Variants in PTPRS observed in about 807,000 individuals in gnomAD.
The protein encoded by PTPRS is receptor-type tyrosine-protein phosphatase S.
PTPRS carries 63 observed loss-of-function variants against 215.3 expected under a neutral mutation model. The ratio of observed to expected loss-of-function variants is 0.29; its 90% CI spans 0.24 to 0.36. PTPRS has a LOEUF of 0.36. PTPRS is among the 10% of genes least tolerant of loss of function. The pLI is 1.00. For missense variants in PTPRS, 2,258 were observed against 2,825.8 expected, an observed-to-expected ratio of 0.80 and a Z score of 4.56; for synonymous variants, 1,404 against 1,191.4, an observed-to-expected ratio of 1.18 and a Z score of -3.68.
rs944511575 is a variant in PTPRS, at chr19:5,229,545, G to A, written c.2295C>T (p.Gly765=). 1.0e-4 allele frequency: 151 copies of A among 1,463,710 alleles called. No individual in the cohort carries two copies. Among genetic ancestry groups the A allele is most frequent in the Non-Finnish European group, 1.3e-4 (145 of 1,110,208 alleles). The allele number at this position is 1,463,710 out of a possible 1,614,324, so 90.7% of individuals were successfully genotyped here. A position where few individuals can be genotyped will look rare whatever the true frequency, so the allele number is the denominator to read the frequency against. ...GYQVHYVRME[G]AEARGPPRIK... is the part of the protein sequence containing the mutation. Reference sequence around the variant, plus strand: ...TGCGCGGCGGCCCGCGGGCCTCGGCGCCCTCCATGCGCACGTAGTGGACCT... The same window carrying A: ...TGCGCGGCGGCCCGCGGGCCTCGGCACCCTCCATGCGCACGTAGTGGACCT... The change falls in exon 15 of 38, where the codon GGC becomes GGT. Residue 765 remains glycine, a synonymous_variant. Transcript: ENST00000262963.
rs945169302 is a variant in PTPRS, at chr19:5,244,059, G to C, written c.1412C>G (p.Pro471Arg). The C allele has an allele frequency of 1.9e-6, 3 of 1,610,552 alleles. No individual in the cohort carries two copies. Among genetic ancestry groups the C allele is most frequent in the African/African-American group, 2.7e-5 (2 of 74,940 alleles). Residue 471 changes from proline to arginine, a missense_variant, in exon 11 of 38, where the codon CCC (proline) becomes CGC (arginine). Around this residue, in one of 6 missense-constraint regions of PTPRS, gnomAD observed 508 missense variants for 799.4 expected, o/e 0.64. Coordinates refer to ENST00000262963, the MANE Select transcript of PTPRS (RefSeq NM_002850.4). This position sits in a 1 kb window ranked among gnomAD's most constrained non-coding sequence, Gnocchi z 7.2. Reference sequence around the variant, plus strand: ...GTTGTGCTTCTGCCAGTTGCCCACGGGGTGCTCCGGTTCCATGGTGTAGTA... The same window carrying C: ...GTTGTGCTTCTGCCAGTTGCCCACGCGGTGCTCCGGTTCCATGGTGTAGTA... ...RVYYTMEPEH[P>R]VGNWQKHNVD...
rs902000119 is a variant in PTPRS, at chr19:5,293,993, G to A, written c.-94-7759C>T. ...CAATCCGAGCCAGCGTTGCGCCCGG[G>A]GTGCGGGTTTGAAAACTCCACCGGA... On this transcript the variant is annotated intron_variant, in intron 1 of 37. Coordinates refer to ENST00000262963, the MANE Select transcript of PTPRS (RefSeq NM_002850.4). This position sits in a 1 kb window ranked among gnomAD's most constrained non-coding sequence, Gnocchi z 8.4. Among the ~76,000 whole-genome samples the A allele has an allele frequency of 6.6e-6, 1 of 152,322 alleles. No individual in the cohort carries two copies. Among genetic ancestry groups the A allele is most frequent in the South Asian group, 2.1e-4 (1 of 4,826 alleles).
chr19:5,212,645 A>T (rs1343877857), intron 30 of PTPRS, among the ~76,000 whole-genome samples, 154 bp from the exon 31 acceptor site: 1 of 150,860 alleles, frequency 6.6e-6, no homozygotes, highest in African/African-American at 2.5e-5. Flanking sequence ...GGAGTTCGAG[A>T]CCAGCCTGAC....
intron 9 of PTPRS, among the ~76,000 whole-genome samples, chr19:5,251,741 C>T (rs1426352519): frequency 1.3e-5 from 2 of 152,118 alleles, no homozygotes; most frequent in Admixed American, 6.5e-5. Context: ...CGCCTGCCTT[C>T]CCGCCCCTGG....
intron 9 of PTPRS, among the ~76,000 whole-genome samples, chr19:5,253,258 A>G (rs936111920): frequency 9.2e-5 from 14 of 152,176 alleles, no homozygotes; most frequent in African/African-American, 3.4e-4. Flanking sequence ...AAATTTCAGG[A>G]GGAGAAGGGC....
chr19:5,298,040 C>T lies in PTPRS; in HGVS notation c.-94-11806G>A, dbSNP rs544620875. ...CAAACTCCTGACCTCATGATCCGCC[C>T]GCCTCGGCCTCCCAAAGTGTTGGGA... On this transcript the variant is annotated intron_variant, in intron 1 of 37. Transcript: ENST00000262963. Among the ~76,000 whole-genome samples, 15 of 152,134 alleles carry T rather than the reference C, an allele frequency of 9.9e-5. No individual in the cohort carries two copies. In the East Asian group the frequency reaches 1.7e-3, roughly 18 times the overall value.
At chr19:5,311,304 C>T (rs967942646) in intron 1 of PTPRS, among the ~76,000 whole-genome samples, 9 of 152,138 alleles carry the variant, frequency 5.9e-5, no homozygotes, top group African/African-American at 1.7e-4. Flanking sequence ...CCACTGCGCC[C>T]GGCCCCTATT....
At chr19:5,218,378 C>A in intron 25 of PTPRS, 42 bp downstream of exon 25, 6 of 1,573,626 alleles carry the variant, frequency 3.8e-6, no homozygotes, top group South Asian at 1.1e-5. Flanking sequence ...CCAGCTATCT[C>A]CCCTGTTGGT....
chr19:5,262,641 A>G (rs921343110), intron 6 of PTPRS, among the ~76,000 whole-genome samples: 1 of 152,226 alleles, frequency 6.6e-6, no homozygotes, highest in African/African-American at 2.4e-5. Context: ...AAGTTCCATG[A>G]GCCCGAGGAT....
rs924348462 is a variant in PTPRS at position 5,221,048 on chromosome 19, C to T, written c.3407G>A (p.Gly1136Asp). 6 of 1,613,464 alleles carry T rather than the reference C, an allele frequency of 3.7e-6. No individual in the cohort carries two copies. The highest frequency in any genetic ancestry group is 5.1e-6 in the Non-Finnish European group (6 of 1,179,878). ...PSVAPKPDAD[G>D]FIMVYLPDGQ... ...GTCAGGAAGATACACCATGATGAAG[C>T]CGTCAGCATCAGGCTTGGGGGCGAC... The change falls in exon 20 of 38, where the codon GGC becomes GAC. Residue 1136 changes from glycine to aspartate, a missense_variant. Physicochemically the swap from Gly to Asp is moderately conservative, Grantham distance 94 (BLOSUM62 -1). Around this residue, in one of 6 missense-constraint regions of PTPRS, gnomAD observed 927 missense variants for 1,125.9 expected, o/e 0.82. Transcript: ENST00000262963.
chr19:5,258,066 G>T lies in PTPRS; in HGVS notation c.657C>A (p.Thr219=). The T allele has an allele frequency of 6.2e-7, 1 of 1,614,168 alleles. No individual in the cohort carries two copies. The highest frequency in any genetic ancestry group is 8.5e-7 in the Non-Finnish European group (1 of 1,180,018). ...TDQGKYECVA[T]NSAGVRYSSP... The stretch of plus-strand genomic sequence containing the variant: ...AGGAGTAGCGCACGCCGGCGCTGTT[G>T]GTGGCCACACACTCATATTTGCCCT... Residue 219 remains threonine, a synonymous_variant, in exon 8 of 38, where the codon ACC becomes ACA. Coordinates refer to ENST00000262963, the MANE Select transcript of PTPRS (RefSeq NM_002850.4).
chr19:5,320,717 C>T (rs2050003458), intron 1 of PTPRS, among the ~76,000 whole-genome samples: 1 of 152,120 alleles, frequency 6.6e-6, no homozygotes, highest in South Asian at 2.1e-4. Flanking sequence ...TGAGCCACCA[C>T]GTCCGGCCTG....
At chr19:5,258,636 AGTTGT>A (rs1346145339) in intron 7 of PTPRS, among the ~76,000 whole-genome samples, 1 of 152,168 alleles carries the variant, frequency 6.6e-6, no homozygotes, top group East Asian at 1.9e-4. Context: ...TGGGTTCCTC[AGTTGT>A]GTTTGGAATC....
chr19:5,286,754 G>T (rs2048384282), intron 1 of PTPRS, among the ~76,000 whole-genome samples: 1 of 152,068 alleles, frequency 6.6e-6, no homozygotes, highest in Admixed American at 6.5e-5. Flanking sequence ...CAGCCCAAAT[G>T]GACTAAGACA....
At chr19:5,265,230 T>C in intron 4 of PTPRS, 34 bp from the exon 5 acceptor site, 7 of 1,586,738 alleles carry the variant, frequency 4.4e-6, no homozygotes, top group Non-Finnish European at 6.0e-6. Context: ...ATGGGCATGG[T>C]TCTGAGCACT....
rs758400201 is a variant in PTPRS at position 5,260,789 on chromosome 19, G to A, written c.595+16C>T. On this transcript the variant is annotated intron_variant, in intron 7 of 37. Coordinates refer to ENST00000262963, the MANE Select transcript of PTPRS (RefSeq NM_002850.4). ...AGAGCGAGCGTGAGTGGGTGGGTGAGTGAGGAGCCTCTTACCTCGAATCGG... is the reference window on the plus strand; with the variant it reads ...AGAGCGAGCGTGAGTGGGTGGGTGAATGAGGAGCCTCTTACCTCGAATCGG... 1.9e-6 allele frequency: 3 copies of A among 1,613,724 alleles called. No individual in the cohort carries two copies. In the Admixed American group the frequency reaches 5.0e-5, roughly 27 times the overall value.
At chr19:5,246,696 C>T (rs558664672) in intron 9 of PTPRS, among the ~76,000 whole-genome samples, 143 of 152,302 alleles carry the variant, frequency 9.4e-4, no homozygotes, top group South Asian at 2.3e-3. Context: ...GTCCCCCACT[C>T]CCCAGTGACC....
chr19:5,226,684 G>A (rs1254384475), intron 16 of PTPRS, among the ~76,000 whole-genome samples: 1 of 152,192 alleles, frequency 6.6e-6, no homozygotes, highest in Non-Finnish European at 1.5e-5. Context: ...AGGAGGCGGA[G>A]GTTGCAGTGA....
Position 5,210,863 on chromosome 19 carries a change from C to A in PTPRS, c.5235-58G>T, listed in dbSNP as rs1432094208. ...GCAGGGAGACCCGGCGTGGTACTCA[C>A]CTGATGCTGCCCGGGAGGGTCAGGA... On this transcript the variant is annotated intron_variant, in intron 33 of 37. Transcript: ENST00000262963. This position sits in a 1 kb window ranked among gnomAD's most constrained non-coding sequence, Gnocchi z 4.5. 5.1e-6 allele frequency: 8 copies of A among 1,576,150 alleles called. No homozygotes were observed. The highest frequency in any genetic ancestry group is 6.9e-6 in the Non-Finnish European group (8 of 1,165,176).
Sources: gnomAD v4.1 joint callset for allele counts (sites outside exome capture counted in the v4.1 genomes callset) on GRCh38, gnomAD v4.1.1 for gene constraint, gnomAD v4.1.1 regional missense constraint, Gnocchi (gnomAD v3.1) non-coding constraint, MANE v1.5 for transcripts, NCBI Gene and HGNC (gene_info 2026-07-23, HGNC 2026-07-21) for gene names.